LPGAT1: variants seen among roughly 807,000 people sequenced by gnomAD.
The protein encoded by LPGAT1 is lysophosphatidylglycerol acyltransferase 1.
In LPGAT1, 11 loss-of-function variants were observed where a neutral mutation model predicts 47.5. That is an observed-to-expected ratio of 0.23 (90% CI 0.15 to 0.38). The LOEUF is 0.38. Among genes scored for constraint, LPGAT1 ranks in the 10% least tolerant of loss-of-function variants. The probability of loss-of-function intolerance (pLI) is 1.00; values close to 1 mark genes in which losing one functional copy is unlikely to be tolerated. For synonymous variants in LPGAT1, 138 were observed against 144.2 expected (o/e 0.96, Z 0.31); for missense variants, 293 against 439.0 (o/e 0.67, Z 2.97).
In LPGAT1 at chr1:211,791,761, A is replaced by AAC. The variant is rs1553310627; in HGVS notation, c.357+1310_357+1311insGT. Reference sequence around the variant, plus strand: ...GACTCCATCTCAAAAAAAAAAAAAAAAAAACAAACAAACAAAAAAAAAAAA... The same window carrying AAC: ...GACTCCATCTCAAAAAAAAAAAAAAAACAAAACAAACAAACAAAAAAAAAAAA... On this transcript the variant is annotated intron_variant, in intron 3 of 7. Coordinates refer to ENST00000366997, the MANE Select transcript of LPGAT1 (RefSeq NM_014873.3). Among the ~76,000 whole-genome samples the AAC allele has an allele frequency of 1.2e-3, 153 of 128,006 alleles. 4 individuals carry two copies. The highest frequency in any genetic ancestry group is 0.011 in the South Asian group (42 of 3,992). The allele number at this position is 128,006 out of a possible 152,430, so 84.0% of individuals were successfully genotyped here. A position where few individuals can be genotyped will look rare whatever the true frequency, so the allele number is the denominator to read the frequency against.
chr1:211,792,869 G>C (rs113890550), intron 3 of LPGAT1, among the ~76,000 whole-genome samples: 5 of 151,636 alleles, frequency 3.3e-5, no homozygotes, highest in African/African-American at 7.3e-5. Flanking sequence ...ACACCACCAC[G>C]CCCAGCTAAT....
intron 4 of LPGAT1, among the ~76,000 whole-genome samples, chr1:211,784,069 G>T (rs1049915559): frequency 5.9e-5 from 9 of 152,154 alleles, no homozygotes; most frequent in African/African-American, 2.2e-4. Context: ...AAGGACAAAG[G>T]TCATTTGGTG....
intron 3 of LPGAT1, among the ~76,000 whole-genome samples, chr1:211,789,940 A>G (rs1659042407): frequency 6.6e-6 from 1 of 152,198 alleles, no homozygotes; most frequent in African/African-American, 2.4e-5. Context: ...CTTCAAAAGA[A>G]GGATGAGTAA....
Position 211,830,308 on chromosome 1 carries a change from C to T in LPGAT1, c.-28+265G>A, listed in dbSNP as rs1357196815. 1.8e-6 allele frequency: 2 copies of T among 1,087,234 alleles called. No homozygotes were observed. The highest frequency in any genetic ancestry group is 1.7e-5 in the African/African-American group (1 of 59,958). 67.3% of individuals were successfully genotyped at this position (1,087,234 alleles called of 1,614,324 possible). ...GGCGCTGCGCGAGCGGGCGCGCTGG[C>T]GCCCTACTCCCCTCGCGGCTGCCTG... is the stretch of plus-strand genomic sequence containing the variant. On this transcript the variant is annotated intron_variant, in intron 1 of 7. Coordinates refer to ENST00000366997, the MANE Select transcript of LPGAT1 (RefSeq NM_014873.3). The surrounding 1 kb of genome is among the most constrained non-coding windows in gnomAD (Gnocchi z 5.9).
Position 211,830,604 on chromosome 1 carries a change from G to A in LPGAT1, c.-59C>T, listed in dbSNP as rs1446027824. 5.8e-6 allele frequency: 7 copies of A among 1,207,440 alleles called. No homozygotes were observed. The highest frequency in any genetic ancestry group is 7.2e-6 in the Non-Finnish European group (7 of 972,244). 74.8% of individuals were successfully genotyped at this position (1,207,440 alleles called of 1,614,324 possible). A position where few individuals can be genotyped will look rare whatever the true frequency, so the allele number is the denominator to read the frequency against. On this transcript the variant is annotated 5_prime_UTR_variant, in exon 1 of 8. An upstream open reading frame in the 5' UTR gains an earlier in-frame stop. Coordinates refer to ENST00000366997, the MANE Select transcript of LPGAT1 (RefSeq NM_014873.3). This position sits in a 1 kb window ranked among gnomAD's most constrained non-coding sequence, Gnocchi z 5.9. ...CTGGCCGGGCCCCAGCCGGGGCTTT[G>A]GGAGTCAGAGGAGCCGGAAGAATGC...
In LPGAT1 at chr1:211,830,173, C is replaced by G. The variant is rs1293546033; in HGVS notation, c.-28+400G>C. ...CGTGGCGGCGGGCGCGGCCCGCGCG[C>G]CGGGCTCACCTCGGCGGGCGCGGAC... On this transcript the variant is annotated intron_variant, in intron 1 of 7. Coordinates refer to ENST00000366997, the MANE Select transcript of LPGAT1 (RefSeq NM_014873.3). This position sits in a 1 kb window ranked among gnomAD's most constrained non-coding sequence, Gnocchi z 5.9. 2.0e-6 allele frequency: 2 copies of G among 982,776 alleles called. No homozygotes were observed. The highest frequency in any genetic ancestry group is 2.4e-6 in the Non-Finnish European group (2 of 829,092). 60.9% of individuals were successfully genotyped at this position (982,776 alleles called of 1,614,324 possible).
At chr1:211,773,951 T>A (rs1190038464) in intron 6 of LPGAT1, among the ~76,000 whole-genome samples, 1 of 152,088 alleles carries the variant, frequency 6.6e-6, no homozygotes, top group African/African-American at 2.4e-5. Flanking sequence ...AAACAATAAA[T>A]AATATTGGTA....
rs765581220 is a variant in LPGAT1 at position 211,750,064 on chromosome 1, T to C, written c.962-14A>G. On this transcript the variant is annotated splice_polypyrimidine_tract_variant and intron_variant, in intron 7 of 7. Transcript: ENST00000366997. ...GTGGAAAAGCTCCTAAAAGACAAGA[T>C]AGAAATATTAGTTTGTTTTACTGTA... 4.4e-5 allele frequency: 71 copies of C among 1,607,416 alleles called. 1 individual carries two copies. Among genetic ancestry groups the C allele is most frequent in the South Asian group, 2.3e-4 (21 of 90,264 alleles).
chr1:211,750,318 A>G (rs1293146225), intron 7 of LPGAT1, among the ~76,000 whole-genome samples: 1 of 152,178 alleles, frequency 6.6e-6, no homozygotes, highest in Non-Finnish European at 1.5e-5. Flanking sequence ...TCCATATCAG[A>G]AAAGATATTC....
intron 2 of LPGAT1, among the ~76,000 whole-genome samples, chr1:211,812,327 G>GA (rs1267163387): frequency 6.6e-6 from 1 of 151,962 alleles, no homozygotes; most frequent in African/African-American, 2.4e-5. Flanking sequence ...AAGGTTACAA[G>GA]AAAAAAACAT....
chr1:211,812,107 G>A (rs146413287), intron 2 of LPGAT1, among the ~76,000 whole-genome samples: 4 of 152,242 alleles, frequency 2.6e-5, no homozygotes, highest in African/African-American at 9.6e-5. Context: ...AAACGGCCTG[G>A]CACAGCAGAT....
At chr1:211,763,694 C>T (rs1050745973) in intron 6 of LPGAT1, among the ~76,000 whole-genome samples, 5 of 152,194 alleles carry the variant, frequency 3.3e-5, no homozygotes, top group African/African-American at 1.2e-4. Flanking sequence ...TTCTCAGATA[C>T]AACCCCTCTG....
chr1:211,804,214 A>T (rs1659675483), intron 2 of LPGAT1, among the ~76,000 whole-genome samples: 1 of 151,176 alleles, frequency 6.6e-6, no homozygotes, highest in African/African-American at 2.4e-5. Flanking sequence ...TGCCCTACTA[A>T]TTTTTTTTTA....
chr1:211,830,217 G>A lies in LPGAT1; in HGVS notation c.-28+356C>T, dbSNP rs527994482. On this transcript the variant is annotated intron_variant, in intron 1 of 7. Transcript: ENST00000366997. The surrounding 1 kb of genome is among the most constrained non-coding windows in gnomAD (Gnocchi z 5.9). ...CGCGGACGGCGGGCGGCTGCGGAGAGCGGGGGCGGGTGTCCCCCGCCGAGG... is the reference window on the plus strand; with the variant it reads ...CGCGGACGGCGGGCGGCTGCGGAGAACGGGGGCGGGTGTCCCCCGCCGAGG... 4.6e-5 allele frequency: 45 copies of A among 983,492 alleles called. No individual in the cohort carries two copies. The African/African-American group carries it at 6.3e-4, about 14-fold the overall frequency. The allele number at this position is 983,492 out of a possible 1,614,324, so 60.9% of individuals were successfully genotyped here.
At chr1:211,750,839 T>C in intron 7 of LPGAT1, 122 bp downstream of exon 7, 1 of 678,288 alleles carries the variant, frequency 1.5e-6, no homozygotes. Context: ...GATTTGCTTC[T>C]CACAGGCAAT....
At chr1:211,794,992 G>T (rs1046356304) in intron 2 of LPGAT1, among the ~76,000 whole-genome samples, 2 of 152,168 alleles carry the variant, frequency 1.3e-5, no homozygotes, top group African/African-American at 4.8e-5. Flanking sequence ...AAAACAACTA[G>T]AAAGAGAAGC....
chr1:211,813,066 T>C (rs1660047049), intron 2 of LPGAT1, among the ~76,000 whole-genome samples: 1 of 152,188 alleles, frequency 6.6e-6, no homozygotes, highest in Non-Finnish European at 1.5e-5. Context: ...GAACTACCAC[T>C]GCAGAAAGTA....
chr1:211,799,585 C>T (rs1659487727), intron 2 of LPGAT1, among the ~76,000 whole-genome samples: 1 of 152,148 alleles, frequency 6.6e-6, no homozygotes, highest in Non-Finnish European at 1.5e-5. Context: ...CCCTTGCAGC[C>T]CCTAAAGTTG....
At chr1:211,829,800 A>T (rs1393855918) in intron 1 of LPGAT1, 2 of 988,326 alleles carry the variant, frequency 2.0e-6, no homozygotes. Flanking sequence ...CATTCCTTTA[A>T]AAGGTCTCTG....
Sources: allele counts gnomAD v4.1 joint callset (sites outside exome capture counted in the v4.1 genomes callset), GRCh38; gene constraint gnomAD v4.1.1; non-coding constraint Gnocchi (gnomAD v3.1); transcripts MANE v1.5; gene names NCBI Gene and HGNC (gene_info 2026-07-23, HGNC 2026-07-21).